The following LAMC1 variants were observed in gnomAD, a reference collection of about 807,000 sequenced individuals.
LAMC1 encodes laminin subunit gamma-1.
A neutral mutation model predicts 173.6 loss-of-function variants in LAMC1; 38 were observed. That is an observed-to-expected ratio of 0.22 (90% CI 0.17 to 0.29). The LOEUF (loss-of-function observed/expected upper bound fraction) is 0.29. LAMC1 is among the 10% of genes least tolerant of loss of function. LAMC1 has a pLI of 1.00. For missense variants in LAMC1, 1,824 were observed against 2,051.8 expected, an observed-to-expected ratio of 0.89 and a Z score of 2.14; for synonymous variants, 746 against 749.1, an observed-to-expected ratio of 1.00 and a Z score of 0.07.
chr1:183,028,841 T>C (rs1395441374), intron 1 of LAMC1, among the ~76,000 whole-genome samples: 1 of 152,254 alleles, frequency 6.6e-6, no homozygotes, highest in Non-Finnish European at 1.5e-5. Context: ...TGCAATTTCA[T>C]TTGTAAATTT....
intron 1 of LAMC1, among the ~76,000 whole-genome samples, chr1:183,056,762 C>T (rs1289989782): frequency 6.6e-6 from 1 of 152,142 alleles, no homozygotes; most frequent in African/African-American, 2.4e-5. Context: ...ACCCTATGTA[C>T]CGTTTCTGTT....
intron 21 of LAMC1, among the ~76,000 whole-genome samples, chr1:183,132,956 G>A (rs1448262006): frequency 1.3e-5 from 2 of 152,038 alleles, no homozygotes; most frequent in African/African-American, 4.8e-5. Flanking sequence ...TGTCCCCCAG[G>A]CTAAAGTGCA....
chr1:183,099,442 G>C (rs1362191657), intron 1 of LAMC1, among the ~76,000 whole-genome samples: 3 of 152,166 alleles, frequency 2.0e-5, no homozygotes. Context: ...TTTTGGTGCA[G>C]CTGTGACCTC....
intron 1 of LAMC1, among the ~76,000 whole-genome samples, chr1:183,051,173 T>C (rs1654418085): frequency 1.3e-5 from 2 of 152,338 alleles, no homozygotes; most frequent in South Asian, 4.1e-4. Flanking sequence ...CCTCCTTTTG[T>C]GTGTGGACTG....
chr1:183,079,245 T>G (rs1423190666), intron 1 of LAMC1, among the ~76,000 whole-genome samples: 1 of 77,050 alleles, frequency 1.3e-5, no homozygotes, highest in South Asian at 5.9e-4. Context: ...TTTTTTTTTT[T>G]TTTTTTTTTT....
At position 183,125,478 on chromosome 1, in the gene LAMC1, A is replaced by G. The variant is rs768290893; in HGVS notation, c.2729A>G (p.His910Arg). 1 of 1,614,048 alleles carries G rather than the reference A, an allele frequency of 6.2e-7. No individual in the cohort carries two copies. The highest frequency in any genetic ancestry group is 8.5e-7 in the Non-Finnish European group (1 of 1,179,864). Residue 910 changes from histidine (H) to arginine (R), a missense_variant, in exon 15 of 28, where the codon CAC (histidine) becomes CGC (arginine). His to Arg is a conservative substitution (Grantham distance 29). Transcript: ENST00000258341. ...PVTGQCECLP[H>R]VTGQDCGACD... Reference sequence around the variant, plus strand: ...ACGGGGCAGTGTGAATGTTTGCCTCACGTGACTGGCCAGGACTGTGGTGCT... The same window carrying G: ...ACGGGGCAGTGTGAATGTTTGCCTCGCGTGACTGGCCAGGACTGTGGTGCT...
In LAMC1 at chr1:183,098,483, G is replaced by T. The variant is rs965795729; in HGVS notation, c.419-4845G>T. 5.9e-5 allele frequency among the ~76,000 whole-genome samples: 9 copies of T among 152,302 alleles called. No homozygotes were observed. In the East Asian group the frequency reaches 9.6e-4, roughly 16 times the overall value. Reference sequence around the variant, plus strand: ...AGAGGGGATGCTGAATGCTGCAGCAGAAATCACACCTCCACAGAGATGTTT... The same window carrying T: ...AGAGGGGATGCTGAATGCTGCAGCATAAATCACACCTCCACAGAGATGTTT... On this transcript the variant is annotated intron_variant, in intron 1 of 27. Transcript: ENST00000258341.
chr1:183,142,995 A>C lies in LAMC1; in HGVS notation c.*205A>C. The C allele has an allele frequency of 1.8e-6, 1 of 546,794 alleles. No individual in the cohort carries two copies. The highest frequency in any genetic ancestry group is 3.2e-6 in the Non-Finnish European group (1 of 314,068). The allele number at this position is 546,794 out of a possible 1,614,324, so 33.9% of individuals were successfully genotyped here. Reference sequence around the variant, plus strand: ...CGGGAACAAAGGGTTTTATCTAATAAAGTGTCTCTTCCATTCACGTTGCTA... The same window carrying C: ...CGGGAACAAAGGGTTTTATCTAATACAGTGTCTCTTCCATTCACGTTGCTA... On this transcript the variant is annotated 3_prime_UTR_variant, in exon 28 of 28. Coordinates refer to ENST00000258341, the MANE Select transcript of LAMC1 (RefSeq NM_002293.4).
At chr1:183,047,512 A>G (rs1318048157) in intron 1 of LAMC1, among the ~76,000 whole-genome samples, 1 of 152,218 alleles carries the variant, frequency 6.6e-6, no homozygotes, top group African/African-American at 2.4e-5. Context: ...CTGAGAAAGG[A>G]TTGCATTTAA....
chr1:183,023,890 C>T lies in LAMC1; in HGVS notation c.174C>T (p.Ala58=), dbSNP rs10911194. 0.55 allele frequency: 880,547 copies of T among 1,612,232 alleles called. 244,117 individuals are homozygous for T. Among genetic ancestry groups the T allele is most frequent in the Admixed American group, 0.65 (38,712 of 59,962 alleles). ...GCATGCCCGAGTTCGTCAACGCCGC[C>T]TTCAACGTGACTGTGGTGGCCACCA... ...QRCMPEFVNA[A]FNVTVVATNT... The change falls in exon 1 of 28, where the codon GCC becomes GCT. Residue 58 remains alanine, a synonymous_variant. Transcript: ENST00000258341.
rs1347728807 is a variant in LAMC1, at chr1:183,143,036, C to A, written c.*246C>A. 4.6e-6 allele frequency: 2 copies of A among 439,240 alleles called. No individual in the cohort carries two copies. The highest frequency in any genetic ancestry group is 8.2e-6 in the Non-Finnish European group (2 of 242,982). 27.2% of individuals were successfully genotyped at this position (439,240 alleles called of 1,614,324 possible). A position where few individuals can be genotyped will look rare whatever the true frequency, so the allele number is the denominator to read the frequency against. On this transcript the variant is annotated 3_prime_UTR_variant, in exon 28 of 28. Coordinates refer to ENST00000258341, the MANE Select transcript of LAMC1 (RefSeq NM_002293.4). ...CACGTTGCTACCTTACCCACACTTTCCCTTCTGATTTGCGTGAGGACGTGG... is the reference window on the plus strand; with the variant it reads ...CACGTTGCTACCTTACCCACACTTTACCTTCTGATTTGCGTGAGGACGTGG...
intron 1 of LAMC1, among the ~76,000 whole-genome samples, chr1:183,081,856 C>T (rs931708685): frequency 3.3e-5 from 5 of 152,146 alleles, no homozygotes; most frequent in African/African-American, 1.2e-4. Context: ...GTTACAGTAT[C>T]ATTCAAAATA....
chr1:183,101,804 G>A (rs1655841101), intron 1 of LAMC1, among the ~76,000 whole-genome samples: 1 of 152,172 alleles, frequency 6.6e-6, no homozygotes, highest in African/African-American at 2.4e-5. Flanking sequence ...TTATGTTGAA[G>A]CTAATGTGTG....
intron 1 of LAMC1, among the ~76,000 whole-genome samples, chr1:183,080,234 T>C (rs1418125071): frequency 1.3e-5 from 2 of 152,178 alleles, no homozygotes; most frequent in African/African-American, 4.8e-5. Flanking sequence ...ACACAGACTC[T>C]GTCTTAAAAG....
chr1:183,137,145 G>A (rs1159994300), intron 25 of LAMC1, among the ~76,000 whole-genome samples: 1 of 152,134 alleles, frequency 6.6e-6, no homozygotes, highest in African/African-American at 2.4e-5. Context: ...TTAGAATTAG[G>A]TATTTAAGAA....
chr1:183,076,873 C>G (rs1655130995), intron 1 of LAMC1, among the ~76,000 whole-genome samples: 1 of 152,230 alleles, frequency 6.6e-6, no homozygotes, highest in Admixed American at 6.5e-5. Flanking sequence ...AGAGACCCCA[C>G]TGTGTCTCCC....
At chr1:183,129,082 CT>C (rs201079710) in intron 18 of LAMC1, among the ~76,000 whole-genome samples, 303 of 110,008 alleles carry the variant, frequency 2.8e-3, no homozygotes, top group African/African-American at 8.8e-3. Flanking sequence ...TCTTCATAAG[CT>C]TTTTTTTTTT....
At chr1:183,052,962 G>T (rs1380491840) in intron 1 of LAMC1, among the ~76,000 whole-genome samples, 3 of 152,144 alleles carry the variant, frequency 2.0e-5, no homozygotes, top group Non-Finnish European at 2.9e-5. Flanking sequence ...GGGTATGTGG[G>T]TTTCCTTATC....
intron 1 of LAMC1, among the ~76,000 whole-genome samples, chr1:183,034,200 A>G (rs1653916495): frequency 6.6e-6 from 1 of 152,242 alleles, no homozygotes; most frequent in Non-Finnish European, 1.5e-5. Flanking sequence ...TACTTTTTAT[A>G]TCCTAAAGAT....
Sources: gnomAD v4.1 joint callset for allele counts (sites outside exome capture counted in the v4.1 genomes callset) on GRCh38, gnomAD v4.1.1 for gene constraint, MANE v1.5 for transcripts, NCBI Gene and HGNC (gene_info 2026-07-23, HGNC 2026-07-21) for gene names.